DNAI3: variants seen among roughly 807,000 people sequenced by gnomAD.
The protein encoded by DNAI3 is WD repeat domain 63.
Under a neutral mutation model 115.5 loss-of-function variants are expected in DNAI3, and 83 were observed. The observed-to-expected ratio is 0.72, with a 90% CI of 0.60 to 0.86. The LOEUF is 0.86. DNAI3 is among the 40% of genes least tolerant of loss of function. The probability of loss-of-function intolerance (pLI) is 0.00; values close to 1 mark genes in which losing one functional copy is unlikely to be tolerated. For missense variants in DNAI3, 1,004 were observed against 1,075.8 expected (o/e 0.93, Z 0.93); for synonymous variants, 320 against 347.0 (o/e 0.92, Z 0.86).
At chr1:85,087,494 C>T (rs924649898) in intron 7 of DNAI3, among the ~76,000 whole-genome samples, 5 of 149,858 alleles carry the variant, frequency 3.3e-5, no homozygotes, top group African/African-American at 1.2e-4. Flanking sequence ...AACTCCATTA[C>T]CATCTATCCC....
chr1:85,069,321 G>T (rs935138026), intron 1 of DNAI3, among the ~76,000 whole-genome samples: 1 of 151,088 alleles, frequency 6.6e-6, no homozygotes. Context: ...CCAATGTCCA[G>T]TTCCTTTTCT....
In DNAI3 at chr1:85,086,048, G is replaced by A; in HGVS notation, c.740+18G>A. 7 of 1,607,136 alleles carry A rather than the reference G, an allele frequency of 4.4e-6. No individual in the cohort carries two copies. Among genetic ancestry groups the A allele is most frequent in the Non-Finnish European group, 5.9e-6 (7 of 1,176,684 alleles). On this transcript the variant is annotated intron_variant, in intron 7 of 22. Transcript: ENST00000294664. ...ACAAAATGGTAAGTATGTGATGGGT[G>A]TATGTAATTTTATAGCCAGTTACAG...
chr1:85,125,064 G>A (rs1656093414), intron 19 of DNAI3, among the ~76,000 whole-genome samples: 1 of 152,014 alleles, frequency 6.6e-6, no homozygotes, highest in African/African-American at 2.4e-5. Flanking sequence ...ATTAGGAGAG[G>A]GGCTGGATCT....
chr1:85,117,223 A>G (rs1039631451), intron 16 of DNAI3, among the ~76,000 whole-genome samples: 3 of 152,202 alleles, frequency 2.0e-5, no homozygotes, highest in Admixed American at 6.5e-5. Flanking sequence ...ATATAAAACT[A>G]AAATAGGATA....
rs139599532 is a variant in DNAI3, at chr1:85,095,978, G to C, written c.1221G>C (p.Pro407=). The C allele has an allele frequency of 2.5e-6, 4 of 1,613,756 alleles. No individual in the cohort carries two copies. The African/African-American group carries it at 5.3e-5, about 22-fold the overall frequency. The change falls in exon 11 of 23, where the codon CCG becomes CCC. Residue 407 remains proline, a synonymous_variant. Coordinates refer to ENST00000294664, the MANE Select transcript of DNAI3 (RefSeq NM_145172.5). ...ACATCTTCTGCTTCAAGTTCTGTCC[G>C]AGTGATCCTAATATCATTGCTGGAG... The part of the protein sequence containing the change: ...PDDIFCFKFC[P]SDPNIIAGGC...
At chr1:85,123,206 C>T (rs1656038369) in intron 18 of DNAI3, among the ~76,000 whole-genome samples, 1 of 152,190 alleles carries the variant, frequency 6.6e-6, no homozygotes, top group Non-Finnish European at 1.5e-5. Flanking sequence ...CATCCTCTCT[C>T]ACCAGAACTG....
chr1:85,123,556 C>A (rs1004475364), intron 18 of DNAI3, among the ~76,000 whole-genome samples: 1 of 152,164 alleles, frequency 6.6e-6, no homozygotes, highest in African/African-American at 2.4e-5. Flanking sequence ...CAAAATCTTC[C>A]CATGTTGAGC....
intron 6 of DNAI3, among the ~76,000 whole-genome samples, chr1:85,085,298 G>T (rs147423729): frequency 6.6e-6 from 1 of 152,318 alleles, no homozygotes; most frequent in East Asian, 1.9e-4. Flanking sequence ...ACTTGGTTAT[G>T]GCAGCTGTAG....
chr1:85,092,621 G>A (rs956794042), intron 8 of DNAI3, among the ~76,000 whole-genome samples: 1 of 152,004 alleles, frequency 6.6e-6, no homozygotes, highest in Non-Finnish European at 1.5e-5. Flanking sequence ...GTCAAACCAA[G>A]GTCCCTAGAC....
At chr1:85,092,717 C>G (rs1655014429) in intron 8 of DNAI3, among the ~76,000 whole-genome samples, 1 of 151,826 alleles carries the variant, frequency 6.6e-6, no homozygotes, top group Non-Finnish European at 1.5e-5. Context: ...ATTTTGGGGA[C>G]TGTCTCATGC....
intron 13 of DNAI3, among the ~76,000 whole-genome samples, chr1:85,101,727 C>CAAAAAAAA (rs72166976): frequency 6.9e-5 from 1 of 14,438 alleles, no homozygotes; most frequent in Non-Finnish European, 1.1e-4. Context: ...GACTCCATCT[C>CAAAAAAAA]AAAAAAAAAA....
rs890424387 is a variant in DNAI3 at position 85,099,341 on chromosome 1, C to CAG, written c.1479+688_1479+689dup. 3 of 930,876 alleles carry CAG rather than the reference C, an allele frequency of 3.2e-6. No individual in the cohort carries two copies. The Admixed American group carries it at 1.9e-4, about 57-fold the overall frequency. The allele number at this position is 930,876 out of a possible 1,614,324, so 57.7% of individuals were successfully genotyped here. On this transcript the variant is annotated intron_variant, in intron 13 of 22. Transcript: ENST00000294664. ...AAGCATTCTATACACCAATAACAGA[C>CAG]AGAGAGCCAAATCATGAGTGAACTC... is the stretch of plus-strand genomic sequence containing the variant.
chr1:85,105,459 A>C (rs552599731), intron 14 of DNAI3, among the ~76,000 whole-genome samples: 3 of 151,270 alleles, frequency 2.0e-5, no homozygotes, highest in Non-Finnish European at 4.4e-5. Context: ...ATATTTACAG[A>C]TAGAAAATAT....
At chr1:85,130,328 A>G (rs1365797381) in intron 22 of DNAI3, 15 of 635,556 alleles carry the variant, frequency 2.4e-5, no homozygotes, top group Non-Finnish European at 3.3e-5. Context: ...GAAATTTTCT[A>G]TAATTTCAAA....
At chr1:85,104,685 T>A in intron 14 of DNAI3, 88 bp downstream of exon 14, 1 of 1,018,720 alleles carries the variant, frequency 9.8e-7, no homozygotes, top group Non-Finnish European at 1.5e-6. Flanking sequence ...TTCTTCTCCT[T>A]AATATTTATG....
intron 22 of DNAI3, among the ~76,000 whole-genome samples, chr1:85,132,224 A>G (rs1656347420): frequency 6.6e-6 from 1 of 152,258 alleles, no homozygotes; most frequent in South Asian, 2.1e-4. Flanking sequence ...CACTTAGCCA[A>G]TAACTGGCAC....
rs1467868834 is a variant in DNAI3 at position 85,126,618 on chromosome 1, T to A, written c.2220T>A (p.Ile740=). ...VFYIGREDGY[I]DIWDLLEKTH... is the part of the protein sequence containing the mutation. The stretch of plus-strand genomic sequence containing the variant: ...ACATCGGCCGAGAAGATGGATACAT[T>A]GATATCTGGGACCTTCTGGAGAAAA... The change falls in exon 20 of 23, where the codon ATT becomes ATA. Residue 740 remains isoleucine, a synonymous_variant. Transcript: ENST00000294664. 1.2e-6 allele frequency: 2 copies of A among 1,614,172 alleles called. No individual in the cohort carries two copies. The highest frequency in any genetic ancestry group is 2.2e-5 in the South Asian group (2 of 91,080).
chr1:85,103,614 G>T (rs532526248), intron 13 of DNAI3, among the ~76,000 whole-genome samples: 59 of 152,022 alleles, frequency 3.9e-4, no homozygotes, highest in Non-Finnish European at 7.4e-4. Flanking sequence ...GAGGCCGGGC[G>T]CATGGCTCAT....
intron 14 of DNAI3, 142 bp downstream of exon 14, chr1:85,104,739 A>T: frequency 2.8e-6 from 2 of 704,200 alleles, no homozygotes; most frequent in Middle Eastern, 5.4e-4. Context: ...AATGTTATGG[A>T]TTGTTGCTAG....
Sources: gnomAD v4.1 joint callset for allele counts (sites outside exome capture counted in the v4.1 genomes callset) on GRCh38, gnomAD v4.1.1 for gene constraint, MANE v1.5 for transcripts, NCBI Gene and HGNC (gene_info 2026-07-23, HGNC 2026-07-21) for gene names.